Variants in PLD1 observed in about 807,000 individuals in gnomAD.
The protein encoded by PLD1 is choline phosphatase 1.
A neutral mutation model predicts 137.1 loss-of-function variants in PLD1; 112 were observed. The ratio of observed to expected loss-of-function variants is 0.82; its 90% confidence interval spans 0.70 to 0.96. PLD1 has a LOEUF of 0.96. Among genes scored for constraint, PLD1 ranks in the 40% least tolerant of loss-of-function variants. The probability of loss-of-function intolerance (pLI) is 0.00; values close to 1 mark genes in which losing one functional copy is unlikely to be tolerated. For missense variants in PLD1, 1,321 were observed against 1,342.0 expected, an observed-to-expected ratio of 0.98 and a Z score of 0.24; for synonymous variants, 431 against 454.7, an observed-to-expected ratio of 0.95 and a Z score of 0.66.
intron 26 of PLD1, 70 bp downstream of exon 26, chr3:171,605,229 A>C: frequency 1.1e-6 from 1 of 917,638 alleles, no homozygotes; most frequent in Non-Finnish European, 1.8e-6. Flanking sequence ...TAATATGCAG[A>C]AATAACAATA....
At chr3:171,638,270 T>C (rs1402444808) in intron 23 of PLD1, among the ~76,000 whole-genome samples, 1 of 151,702 alleles carries the variant, frequency 6.6e-6, no homozygotes, top group Non-Finnish European at 1.5e-5. Flanking sequence ...GGTGAATAAA[T>C]GTGAAGGTCT....
chr3:171,784,920 A>G (rs1220461193), intron 1 of PLD1, among the ~76,000 whole-genome samples: 1 of 152,252 alleles, frequency 6.6e-6, no homozygotes, highest in Non-Finnish European at 1.5e-5. Context: ...AGTGCCTGGC[A>G]TATTATAGTC....
At chr3:171,753,409 A>AT (rs901419159) in intron 1 of PLD1, among the ~76,000 whole-genome samples, 9 of 152,146 alleles carry the variant, frequency 5.9e-5, no homozygotes, top group Admixed American at 4.6e-4. Flanking sequence ...AGCCAGACTG[A>AT]TAAGCCACCT....
chr3:171,653,809 A>T (rs190275013), intron 21 of PLD1: 2 of 154,640 alleles, frequency 1.3e-5, no homozygotes, highest in East Asian at 3.8e-4. Context: ...CTACTTTCAC[A>T]TATATTCATA....
chr3:171,768,339 A>G (rs139693629), intron 1 of PLD1, among the ~76,000 whole-genome samples: 1 of 152,274 alleles, frequency 6.6e-6, no homozygotes, highest in Non-Finnish European at 1.5e-5. Context: ...CTGGTTCTTG[A>G]GGGGGGCAAG....
intron 23 of PLD1, among the ~76,000 whole-genome samples, chr3:171,620,740 C>CTATATATA (rs780459684): frequency 7.4e-5 from 6 of 80,538 alleles, no homozygotes; most frequent in East Asian, 3.2e-4. Context: ...CTCTCTCTCT[C>CTATATATA]TCTATATATA....
intron 11 of PLD1, among the ~76,000 whole-genome samples, chr3:171,701,347 G>C (rs2108545064): frequency 6.6e-6 from 1 of 152,330 alleles, no homozygotes; most frequent in South Asian, 2.1e-4. Flanking sequence ...AAGGAAATCT[G>C]TTTTAAAATA....
intron 13 of PLD1, among the ~76,000 whole-genome samples, chr3:171,692,027 T>C (rs1333605071): frequency 6.6e-6 from 1 of 152,156 alleles, no homozygotes; most frequent in Non-Finnish European, 1.5e-5. Context: ...TCCAGGATAA[T>C]GAGAAGTGTG....
At chr3:171,627,774 G>A (rs527520430) in intron 23 of PLD1, among the ~76,000 whole-genome samples, 13 of 152,266 alleles carry the variant, frequency 8.5e-5, no homozygotes, top group Non-Finnish European at 1.2e-4. Context: ...GGTACATAAC[G>A]AAATGAAGGC....
chr3:171,780,552 A>G (rs79940397), intron 1 of PLD1, among the ~76,000 whole-genome samples: 2 of 144,618 alleles, frequency 1.4e-5, no homozygotes, highest in African/African-American at 5.0e-5. Flanking sequence ...AAAAAAAAAA[A>G]TGCCAGTGGG....
At chr3:171,773,742 A>AGTTTGTTT (rs139067977) in intron 1 of PLD1, among the ~76,000 whole-genome samples, 12,475 of 151,562 alleles carry the variant, frequency 0.082, 1,685 homozygotes, top group African/African-American at 0.28. Context: ...TTATTATACC[A>AGTTTGTTT]GTTTGTTTGT....
At chr3:171,652,054 AT>A (rs1736812587) in intron 21 of PLD1, among the ~76,000 whole-genome samples, 1 of 152,224 alleles carries the variant, frequency 6.6e-6, no homozygotes, top group Non-Finnish European at 1.5e-5. Flanking sequence ...TTCTCCAGAA[AT>A]CGTACAGAGC....
intron 12 of PLD1, among the ~76,000 whole-genome samples, chr3:171,698,253 C>A (rs962784956): frequency 1.3e-5 from 2 of 152,200 alleles, no homozygotes; most frequent in African/African-American, 2.4e-5. Flanking sequence ...ACCGTAGAAG[C>A]TGGCTCATAG....
intron 1 of PLD1, among the ~76,000 whole-genome samples, chr3:171,746,591 A>T (rs1720201736): frequency 6.6e-6 from 1 of 152,140 alleles, no homozygotes; most frequent in Admixed American, 6.5e-5. Flanking sequence ...CAAGGTTTGT[A>T]AATACACCAG....
At chr3:171,711,539 A>C (rs555004116) in intron 9 of PLD1, among the ~76,000 whole-genome samples, 4 of 152,182 alleles carry the variant, frequency 2.6e-5, no homozygotes, top group African/African-American at 7.2e-5. Context: ...ATACTCATGT[A>C]CATTTGTTCA....
chr3:171,642,068 T>C (rs1735800767), intron 23 of PLD1, among the ~76,000 whole-genome samples: 1 of 152,102 alleles, frequency 6.6e-6, no homozygotes, highest in Non-Finnish European at 1.5e-5. Flanking sequence ...GAGTGCCCAC[T>C]ATATGCTGAA....
intron 1 of PLD1, among the ~76,000 whole-genome samples, chr3:171,808,009 T>C (rs943119588): frequency 6.6e-6 from 1 of 151,998 alleles, no homozygotes; most frequent in Admixed American, 6.6e-5. Context: ...CACTAATAAG[T>C]GGAAGGTAAA....
At position 171,799,334 on chromosome 3, in the gene PLD1, G is replaced by A. The variant is rs540074358; in HGVS notation, c.-32+11065C>T. Among the ~76,000 whole-genome samples, 198 of 72,814 alleles carry A rather than the reference G, an allele frequency of 2.7e-3. 5 individuals are homozygous for A. The South Asian group carries it at 0.081, about 30-fold the overall frequency. 47.8% of individuals were successfully genotyped at this position (72,814 alleles called of 152,430 possible). A position where few individuals can be genotyped will look rare whatever the true frequency, so the allele number is the denominator to read the frequency against. On this transcript the variant is annotated intron_variant, in intron 1 of 26. Coordinates refer to ENST00000351298, the MANE Select transcript of PLD1 (RefSeq NM_002662.5). ...AGCCTGGGCAACAGAACGAGACTCC[G>A]TCTAAAAAAAAAAAAAAAAAAAAAA...
chr3:171,620,767 TATTA>T (rs1340557087), intron 23 of PLD1, among the ~76,000 whole-genome samples: 2 of 131,908 alleles, frequency 1.5e-5, no homozygotes, highest in East Asian at 4.1e-4. Flanking sequence ...TATATATATA[TATTA>T]TATATATTTT....
Sources: allele counts gnomAD v4.1 joint callset (sites outside exome capture counted in the v4.1 genomes callset), GRCh38; gene constraint gnomAD v4.1.1; transcripts MANE v1.5; gene names NCBI Gene and HGNC (gene_info 2026-07-23, HGNC 2026-07-21).